Variants in CACNA2D1 observed in about 807,000 individuals in gnomAD.
CACNA2D1 encodes the protein calcium voltage-gated channel auxiliary subunit alpha2delta 1.
CACNA2D1 carries 53 observed loss-of-function variants against 171.5 expected under a neutral mutation model. That is an observed-to-expected ratio of 0.31 (90% CI 0.25 to 0.39). The LOEUF is 0.39. Ranked by LOEUF, CACNA2D1 falls within the 10% of genes least tolerant of loss-of-function variation. The pLI is 1.00. For synonymous variants in CACNA2D1, 442 were observed against 443.1 expected (o/e 1.00, Z 0.03); for missense variants, 903 against 1,299.8 (o/e 0.69, Z 4.69).
intron 12 of CACNA2D1, chr7:82,029,793 A>T (rs1802432511): frequency 6.6e-6 from 1 of 151,804 alleles, no homozygotes; most frequent in South Asian, 2.1e-4. Context: ...GAACTTTGTT[A>T]TAGCCTCTGA....
At chr7:82,431,549 G>A (rs1829674421) in intron 1 of CACNA2D1, among the ~76,000 whole-genome samples, 1 of 152,148 alleles carries the variant, frequency 6.6e-6, no homozygotes, top group Non-Finnish European at 1.5e-5. Context: ...TAGATGCTAA[G>A]ACCTCAAAGC....
chr7:82,089,076 G>A (rs1323078787), intron 6 of CACNA2D1, among the ~76,000 whole-genome samples: 1 of 152,146 alleles, frequency 6.6e-6, no homozygotes, highest in African/African-American at 2.4e-5. Context: ...ACCCAGACCG[G>A]TCCATGGCCC....
chr7:82,040,452 C>CAA (rs34257660), intron 10 of CACNA2D1, among the ~76,000 whole-genome samples: 1,497 of 106,448 alleles, frequency 0.014, 34 homozygotes, highest in African/African-American at 0.031. Context: ...ATAATTTATT[C>CAA]AAAAAAAAAA....
intron 3 of CACNA2D1, among the ~76,000 whole-genome samples, chr7:82,266,602 C>T (rs569650216): frequency 7.3e-5 from 11 of 150,194 alleles, no homozygotes; most frequent in East Asian, 2.0e-4. Context: ...CTGCAACCTC[C>T]GCCTCCCGGT....
chr7:82,347,987 C>A (rs1585598442), intron 2 of CACNA2D1, among the ~76,000 whole-genome samples: 1 of 152,146 alleles, frequency 6.6e-6, no homozygotes, highest in South Asian at 2.1e-4. Flanking sequence ...CATATTAACA[C>A]CAAAAGGAAC....
At chr7:81,956,570 C>T (rs1020519735) in intron 38 of CACNA2D1, among the ~76,000 whole-genome samples, 5 of 152,006 alleles carry the variant, frequency 3.3e-5, no homozygotes, top group Admixed American at 2.0e-4. Context: ...ATTAAAGCAA[C>T]GTTTCCTTAC....
intron 31 of CACNA2D1, among the ~76,000 whole-genome samples, chr7:81,966,389 C>T (rs867610525): frequency 7.9e-5 from 12 of 151,414 alleles, no homozygotes; most frequent in African/African-American, 2.7e-4. Flanking sequence ...AAAATATTTG[C>T]TCTTAAAACA....
chr7:81,950,086 C>T lies in CACNA2D1; in HGVS notation c.*306G>A, dbSNP rs1355208372. On this transcript the variant is annotated 3_prime_UTR_variant, in exon 39 of 39. Coordinates refer to ENST00000356860, the MANE Select transcript of CACNA2D1 (RefSeq NM_000722.4). ...GTTCATTAACAATTGTATGGGGAAC[C>T]CTTTCACATGTAATCACCAACAATG... The T allele has an allele frequency of 5.8e-6, 2 of 345,214 alleles. No individual in the cohort carries two copies. The highest frequency in any genetic ancestry group is 4.3e-5 in the Admixed American group (1 of 22,996). 21.4% of individuals were successfully genotyped at this position (345,214 alleles called of 1,614,324 possible). A position where few individuals can be genotyped will look rare whatever the true frequency, so the allele number is the denominator to read the frequency against.
intron 1 of CACNA2D1, among the ~76,000 whole-genome samples, chr7:82,367,368 AC>A (rs1161758570): frequency 6.6e-6 from 1 of 151,880 alleles, no homozygotes; most frequent in Non-Finnish European, 1.5e-5. Context: ...TTTTCTACCT[AC>A]CATGCTTTCT....
chr7:82,095,772 A>G (rs1811786800), intron 6 of CACNA2D1, among the ~76,000 whole-genome samples: 1 of 152,246 alleles, frequency 6.6e-6, no homozygotes, highest in Non-Finnish European at 1.5e-5. Flanking sequence ...TACAAATGGT[A>G]GAACATTTCC....
chr7:82,327,276 G>A (rs573188250), intron 3 of CACNA2D1, among the ~76,000 whole-genome samples: 1 of 152,294 alleles, frequency 6.6e-6, no homozygotes, highest in South Asian at 2.1e-4. Context: ...TATCCCCCTT[G>A]CAGCCAAAGG....
Position 81,947,801 on chromosome 7 carries a change from A to C in CACNA2D1, c.*2591T>G, listed in dbSNP as rs1177452375. The C allele has an allele frequency of 6.6e-6, 1 of 151,948 alleles. No homozygotes were observed. The highest frequency in any genetic ancestry group is 1.5e-5 in the Non-Finnish European group (1 of 67,858). 9.4% of individuals were successfully genotyped at this position (151,948 alleles called of 1,614,324 possible). ...ATGGGATGAGTGTTACTGTCTTAAA[A>C]AATATGCTAAAAGCATGAAGACTAA... On this transcript the variant is annotated 3_prime_UTR_variant, in exon 39 of 39. Transcript: ENST00000356860.
At chr7:82,121,250 T>C (rs1394218373) in intron 5 of CACNA2D1, among the ~76,000 whole-genome samples, 1 of 152,016 alleles carries the variant, frequency 6.6e-6, no homozygotes, top group African/African-American at 2.4e-5. Flanking sequence ...AGAGCCAGTG[T>C]CTTGCTATGC....
At chr7:81,963,998 C>T in intron 34 of CACNA2D1, 58 bp downstream of exon 34, 2 of 1,408,732 alleles carry the variant, frequency 1.4e-6, no homozygotes, top group Non-Finnish European at 2.0e-6. Context: ...TCATCAGATG[C>T]TTTTTTATTT....
intron 3 of CACNA2D1, among the ~76,000 whole-genome samples, chr7:82,170,915 G>C (rs1291247778): frequency 1.3e-5 from 2 of 151,862 alleles, no homozygotes; most frequent in Non-Finnish European, 2.9e-5. Flanking sequence ...TCAGTTTTTA[G>C]AAAAACACTT....
intron 21 of CACNA2D1, among the ~76,000 whole-genome samples, chr7:81,988,965 G>A (rs946340253): frequency 6.6e-6 from 1 of 152,200 alleles, no homozygotes; most frequent in Non-Finnish European, 1.5e-5. Context: ...TGAAGTGGAA[G>A]AGGGAGATAG....
chr7:82,372,104 T>C (rs1422465647), intron 1 of CACNA2D1, among the ~76,000 whole-genome samples: 2 of 152,178 alleles, frequency 1.3e-5, no homozygotes, highest in East Asian at 3.9e-4. Context: ...CTATATTTAA[T>C]AAACATTCTG....
chr7:81,994,556 A>G (rs1336537044), intron 20 of CACNA2D1, among the ~76,000 whole-genome samples: 1 of 152,122 alleles, frequency 6.6e-6, no homozygotes, highest in Admixed American at 6.5e-5. Context: ...ACATGGCAAC[A>G]TTATATTGTG....
chr7:82,247,432 C>A (rs38551), intron 3 of CACNA2D1, among the ~76,000 whole-genome samples: 7,548 of 152,010 alleles, frequency 0.05, 279 homozygotes, highest in South Asian at 0.075. Flanking sequence ...ATGGCTTAAA[C>A]CCAGCAGGTG....
Sources: allele counts gnomAD v4.1 joint callset (sites outside exome capture counted in the v4.1 genomes callset), GRCh38; gene constraint gnomAD v4.1.1; transcripts MANE v1.5; gene names NCBI Gene and HGNC (gene_info 2026-07-23, HGNC 2026-07-21).